Variants in VSTM4 observed in about 807,000 individuals in gnomAD.
The protein encoded by VSTM4 is V-set and transmembrane domain containing 4.
In VSTM4, 20 loss-of-function variants were observed where a neutral mutation model predicts 36.4. That is an observed-to-expected ratio of 0.55 (90% CI 0.39 to 0.80). The LOEUF (loss-of-function observed/expected upper bound fraction) is 0.80, where lower values mean the gene tolerates loss of function less well. VSTM4 is among the 30% of genes least tolerant of loss of function. The pLI is 0.00. For synonymous variants in VSTM4, 182 were observed against 173.9 expected, an observed-to-expected ratio of 1.05 and a Z score of -0.37; for missense variants, 392 against 404.5, an observed-to-expected ratio of 0.97 and a Z score of 0.26.
At chr10:49,042,414 TA>T (rs1843535303) in intron 7 of VSTM4, among the ~76,000 whole-genome samples, 1 of 152,176 alleles carries the variant, frequency 6.6e-6, no homozygotes, top group African/African-American at 2.4e-5. Context: ...GAAGACTCTT[TA>T]AAAAACAGGT....
chr10:49,107,853 G>A lies in VSTM4; in HGVS notation c.198C>T (p.His66=), dbSNP rs567103938. Residue 66 remains histidine, a synonymous_variant, in exon 2 of 8, where the codon CAC becomes CAT. Coordinates refer to ENST00000332853, the MANE Select transcript of VSTM4 (RefSeq NM_001031746.5). ...SLLAVRWFFA[H]SFDSQEALMV... Reference sequence around the variant, plus strand: ...TCAAGGCCTCCTGGGAGTCGAAGGAGTGTGCAAAGAACCAGCGCACGGCCA... The same window carrying A: ...TCAAGGCCTCCTGGGAGTCGAAGGAATGTGCAAAGAACCAGCGCACGGCCA... 108 of 1,614,242 alleles carry A rather than the reference G, an allele frequency of 6.7e-5. 1 individual carries two copies. In the South Asian group the frequency reaches 1.1e-3, roughly 17 times the overall value.
intron 5 of VSTM4, among the ~76,000 whole-genome samples, chr10:49,053,302 C>G (rs1843727485): frequency 6.6e-6 from 1 of 152,204 alleles, no homozygotes; most frequent in South Asian, 2.1e-4. Flanking sequence ...GTAAGATGTA[C>G]CAGGTTCCGG....
chr10:49,102,367 T>A, intron 2 of VSTM4: 1 of 976,396 alleles, frequency 1.0e-6, no homozygotes, highest in Non-Finnish European at 1.2e-6. Flanking sequence ...AACTCTTGAC[T>A]TCGTGATCCA....
chr10:49,061,792 A>C (rs1013940052), intron 5 of VSTM4, among the ~76,000 whole-genome samples: 1 of 152,194 alleles, frequency 6.6e-6, no homozygotes, highest in African/African-American at 2.4e-5. Flanking sequence ...TCCTATAAAA[A>C]GCATACCAGT....
At chr10:49,029,456 C>G (rs1843312442) in intron 7 of VSTM4, among the ~76,000 whole-genome samples, 1 of 152,204 alleles carries the variant, frequency 6.6e-6, no homozygotes, top group Admixed American at 6.5e-5. Context: ...TCGCTCCATC[C>G]TCATGCCAGC....
At chr10:49,087,883 C>T (rs932135122) in intron 2 of VSTM4, among the ~76,000 whole-genome samples, 1 of 144,904 alleles carries the variant, frequency 6.9e-6, no homozygotes, top group Non-Finnish European at 1.5e-5. Flanking sequence ...TATATATGCA[C>T]ATATATATAA....
intron 3 of VSTM4, among the ~76,000 whole-genome samples, chr10:49,080,017 A>G (rs185942802): frequency 2.0e-5 from 3 of 152,366 alleles, no homozygotes; most frequent in Admixed American, 1.3e-4. Context: ...TCATATTAAT[A>G]TATCAGCAAT....
Position 49,107,993 on chromosome 10 carries a change from C to A in VSTM4, c.58G>T (p.Val20Phe). The A allele has an allele frequency of 6.4e-7, 1 of 1,564,548 alleles. No homozygotes were observed. The highest frequency in any genetic ancestry group is 8.7e-7 in the Non-Finnish European group (1 of 1,152,728). Residue 20 changes from valine (V) to phenylalanine (F), a missense_variant and splice_region_variant, in exon 2 of 8, where the codon GTC becomes TTC. By Grantham distance (50) the Val-to-Phe change is conservative. Transcript: ENST00000332853. ...ALLARAPAPE[V>F]CAALNVTVSP... ...ACAGTGACATTGAGGGCCGCACAGA[C>A]CTCTGCAGAGAAAAAGGGGAGAAGA...
intron 1 of VSTM4, 75 bp downstream of exon 1, chr10:49,115,356 C>G: frequency 1.0e-6 from 1 of 959,396 alleles, no homozygotes; most frequent in Non-Finnish European, 1.2e-6. Flanking sequence ...CCCACCAGGC[C>G]CGGAGCCCCG....
In VSTM4 at chr10:49,019,709, T is replaced by C. The variant is rs770691609; in HGVS notation, c.904A>G (p.Lys302Glu). Residue 302 changes from lysine to glutamate, a missense_variant, in exon 8 of 8, where the codon AAA becomes GAA. By Grantham distance (56) the Lys-to-Glu change is moderately conservative. Coordinates refer to ENST00000332853, the MANE Select transcript of VSTM4 (RefSeq NM_001031746.5). Reference sequence around the variant, plus strand: ...TAGACAGTGCTGGTGGGGGCGCCTTTGGCAGCCCGGTGGGGTTTGATCAGC... The same window carrying C: ...TAGACAGTGCTGGTGGGGGCGCCTTCGGCAGCCCGGTGGGGTTTGATCAGC... ...LELIKPHRAA[K>E]GAPTSTVYAQ... is the part of the protein sequence containing the mutation. 3 of 1,614,034 alleles carry C rather than the reference T, an allele frequency of 1.9e-6. No individual in the cohort carries two copies. The highest frequency in any genetic ancestry group is 2.5e-6 in the Non-Finnish European group (3 of 1,179,984).
At chr10:49,041,719 G>A (rs1843524188) in intron 7 of VSTM4, among the ~76,000 whole-genome samples, 1 of 152,190 alleles carries the variant, frequency 6.6e-6, no homozygotes. Flanking sequence ...GTTGTTTCCT[G>A]AAGACTGATG....
At chr10:49,067,264 G>T (rs992540754) in intron 4 of VSTM4, among the ~76,000 whole-genome samples, 2 of 152,196 alleles carry the variant, frequency 1.3e-5, no homozygotes, top group African/African-American at 4.8e-5. Flanking sequence ...AAAGTTTGAA[G>T]ACCACAACTT....
chr10:49,070,035 G>A (rs915489186), intron 4 of VSTM4, among the ~76,000 whole-genome samples: 5 of 62,204 alleles, frequency 8.0e-5, no homozygotes, highest in African/African-American at 2.4e-4. Flanking sequence ...GGCGGATCAC[G>A]AGGTCAGGAG....
At chr10:49,097,264 G>A (rs906315737) in intron 2 of VSTM4, among the ~76,000 whole-genome samples, 1 of 152,170 alleles carries the variant, frequency 6.6e-6, no homozygotes, top group African/African-American at 2.4e-5. Context: ...AAGCTTAAGG[G>A]TTCGCCCTGC....
At chr10:49,085,750 G>A (rs943190575) in intron 3 of VSTM4, among the ~76,000 whole-genome samples, 1 of 152,030 alleles carries the variant, frequency 6.6e-6, no homozygotes, top group Non-Finnish European at 1.5e-5. Flanking sequence ...TGGGGTGGGG[G>A]AAAGGGGGAG....
intron 5 of VSTM4, among the ~76,000 whole-genome samples, chr10:49,062,695 C>T (rs1356446527): frequency 6.6e-6 from 1 of 152,126 alleles, no homozygotes; most frequent in Non-Finnish European, 1.5e-5. Context: ...TGTTTTAGAT[C>T]CACTCTGTTT....
At chr10:49,115,289 G>T (rs1263640333) in intron 1 of VSTM4, 142 bp downstream of exon 1, 3 of 475,370 alleles carry the variant, frequency 6.3e-6, no homozygotes. Context: ...CCACCGGAGC[G>T]CGCTGGCGAC....
rs557776176 is a variant in VSTM4, at chr10:49,036,534, T to C, written c.837+10449A>G. On this transcript the variant is annotated intron_variant, in intron 7 of 7. Transcript: ENST00000332853. Reference sequence around the variant, plus strand: ...ATTAACGACAACAAGAGAAATTCTCTGGCTTATTATAAACATCCTTCAAGA... The same window carrying C: ...ATTAACGACAACAAGAGAAATTCTCCGGCTTATTATAAACATCCTTCAAGA... Among the ~76,000 whole-genome samples, 5 of 152,348 alleles carry C rather than the reference T, an allele frequency of 3.3e-5. No homozygotes were observed. The South Asian group carries it at 1.0e-3, about 32-fold the overall frequency.
At chr10:49,058,913 A>G (rs1843827751) in intron 5 of VSTM4, among the ~76,000 whole-genome samples, 1 of 152,182 alleles carries the variant, frequency 6.6e-6, no homozygotes, top group Non-Finnish European at 1.5e-5. Flanking sequence ...TCTTGATCAC[A>G]GCTTAAGACC....
Sources: allele counts gnomAD v4.1 joint callset (sites outside exome capture counted in the v4.1 genomes callset), GRCh38; gene constraint gnomAD v4.1.1; transcripts MANE v1.5; gene names NCBI Gene and HGNC (gene_info 2026-07-23, HGNC 2026-07-21).